Variants in COMMD10 observed in about 807,000 individuals in gnomAD.
The protein encoded by COMMD10 is COMM domain-containing protein 10.
In COMMD10, 33 loss-of-function variants were observed where a neutral mutation model predicts 28.9. The observed-to-expected ratio is 1.14, with a 90% CI of 0.87 to 1.53. The LOEUF (loss-of-function observed/expected upper bound fraction) is 1.53, where lower values mean the gene tolerates loss of function less well. Ranked by LOEUF, COMMD10 falls within the 40% of genes most tolerant of loss-of-function variation. The pLI is 0.00. For synonymous variants in COMMD10, 110 were observed against 81.7 expected, an observed-to-expected ratio of 1.35 and a Z score of -1.87; for missense variants, 310 against 233.4, an observed-to-expected ratio of 1.33 and a Z score of -2.14.
intron 5 of COMMD10, among the ~76,000 whole-genome samples, chr5:116,274,014 G>A (rs1370154592): frequency 6.6e-6 from 1 of 151,622 alleles, no homozygotes; most frequent in Non-Finnish European, 1.5e-5. Flanking sequence ...TGAGCTAAGT[G>A]ATGTATTTTA....
intron 5 of COMMD10, among the ~76,000 whole-genome samples, chr5:116,208,299 G>C (rs1304774996): frequency 6.6e-6 from 1 of 152,052 alleles, no homozygotes; most frequent in Non-Finnish European, 1.5e-5. Context: ...TCCAAGTCCT[G>C]TGTAACCTTT....
At chr5:116,229,965 C>T (rs116580285) in intron 5 of COMMD10, among the ~76,000 whole-genome samples, 1 of 151,490 alleles carries the variant, frequency 6.6e-6, no homozygotes. Context: ...CCTGAGCCCC[C>T]CCAAAAAAAA....
chr5:116,281,501 A>G (rs1751068235), intron 5 of COMMD10, among the ~76,000 whole-genome samples: 1 of 151,710 alleles, frequency 6.6e-6, no homozygotes, highest in Admixed American at 6.6e-5. Flanking sequence ...CATTGTTTTT[A>G]GATTAGGTGC....
intron 1 of COMMD10, among the ~76,000 whole-genome samples, chr5:116,086,866 A>G (rs1209222719): frequency 6.6e-6 from 1 of 152,000 alleles, no homozygotes; most frequent in African/African-American, 2.4e-5. Context: ...AGTTCTAGCT[A>G]CTTGGGAGGC....
At chr5:116,145,453 T>C in intron 5 of COMMD10, among the ~76,000 whole-genome samples, 1 of 151,390 alleles carries the variant, frequency 6.6e-6, no homozygotes, top group Non-Finnish European at 1.5e-5. Context: ...TCTGTGTCTA[T>C]GAAAGAGTAA....
intron 5 of COMMD10, among the ~76,000 whole-genome samples, chr5:116,230,169 T>A (rs1319001628): frequency 2.0e-5 from 3 of 152,024 alleles, no homozygotes; most frequent in African/African-American, 7.2e-5. Flanking sequence ...GTAATCTCCT[T>A]AGCTTTGTAT....
chr5:116,265,093 A>G (rs535832853), intron 5 of COMMD10, among the ~76,000 whole-genome samples: 1 of 151,946 alleles, frequency 6.6e-6, no homozygotes, highest in East Asian at 1.9e-4. Context: ...GCTTCGCAAA[A>G]TAACACAATT....
intron 4 of COMMD10, among the ~76,000 whole-genome samples, chr5:116,105,639 T>A (rs1750812059): frequency 6.6e-6 from 1 of 152,192 alleles, no homozygotes; most frequent in Non-Finnish European, 1.5e-5. Context: ...TTTCAGAACT[T>A]CTTATTGCTG....
intron 5 of COMMD10, chr5:116,255,637 T>G (rs1195409614): frequency 1.3e-5 from 2 of 151,586 alleles, no homozygotes; most frequent in African/African-American, 4.9e-5. Context: ...GAACAATTAG[T>G]GTTTACATTT....
chr5:116,115,095 A>G (rs1580456444), intron 4 of COMMD10, among the ~76,000 whole-genome samples: 2 of 152,272 alleles, frequency 1.3e-5, no homozygotes, highest in East Asian at 3.9e-4. Context: ...AAACCCTAGG[A>G]TTGAGAATGG....
At chr5:116,174,625 G>GT (rs61258238) in intron 5 of COMMD10, among the ~76,000 whole-genome samples, 47,097 of 151,918 alleles carry the variant, frequency 0.31, 10,192 homozygotes, top group African/African-American at 0.62. Context: ...TACTTTGAAG[G>GT]GAATATGGTA....
At chr5:116,117,483 G>A (rs1458425243) in intron 4 of COMMD10, among the ~76,000 whole-genome samples, 2 of 151,924 alleles carry the variant, frequency 1.3e-5, no homozygotes, top group East Asian at 1.9e-4. Flanking sequence ...TGTTTTTGAG[G>A]TAGGGTCTCG....
intron 4 of COMMD10, among the ~76,000 whole-genome samples, chr5:116,103,537 T>C (rs1219051621): frequency 6.6e-6 from 1 of 152,220 alleles, no homozygotes; most frequent in Non-Finnish European, 1.5e-5. Context: ...TTTGTTTAAG[T>C]TCCTTGTAGA....
intron 5 of COMMD10, among the ~76,000 whole-genome samples, chr5:116,257,012 G>C (rs2112680976): frequency 6.6e-6 from 1 of 151,846 alleles, no homozygotes; most frequent in Non-Finnish European, 1.5e-5. Flanking sequence ...ACAATGGCAG[G>C]CTTTCATACT....
At chr5:116,211,110 TC>T (rs1252142980) in intron 5 of COMMD10, among the ~76,000 whole-genome samples, 1 of 152,134 alleles carries the variant, frequency 6.6e-6, no homozygotes, top group Non-Finnish European at 1.5e-5. Context: ...TCAGAGAAAT[TC>T]AACCAATAAG....
At chr5:116,116,751 G>A (rs953468556) in intron 4 of COMMD10, among the ~76,000 whole-genome samples, 1 of 136,666 alleles carries the variant, frequency 7.3e-6, no homozygotes, top group Admixed American at 8.2e-5. Flanking sequence ...TCGCTCTGTC[G>A]CCCAGGCCGG....
intron 4 of COMMD10, among the ~76,000 whole-genome samples, chr5:116,102,061 T>C (rs1460143705): frequency 6.6e-6 from 1 of 152,222 alleles, no homozygotes; most frequent in Non-Finnish European, 1.5e-5. Flanking sequence ...CTTCTTAGTT[T>C]AACTAAGTTC....
chr5:116,181,193 T>A (rs570569106), intron 5 of COMMD10, among the ~76,000 whole-genome samples: 1 of 152,058 alleles, frequency 6.6e-6, no homozygotes, highest in African/African-American at 2.4e-5. Flanking sequence ...GTACTTTCAT[T>A]TTAATTAGAA....
chr5:116,256,728 A>G (rs1456435345), intron 5 of COMMD10, among the ~76,000 whole-genome samples: 2 of 151,848 alleles, frequency 1.3e-5, no homozygotes, highest in Non-Finnish European at 2.9e-5. Context: ...TTTTATGTAT[A>G]TCATAAACAT....
Sources: gnomAD v4.1 joint callset for allele counts (sites outside exome capture counted in the v4.1 genomes callset) on GRCh38, gnomAD v4.1.1 for gene constraint, MANE v1.5 for transcripts, NCBI Gene and HGNC (gene_info 2026-07-23, HGNC 2026-07-21) for gene names.